The following MAST4 variants were observed in gnomAD, a reference collection of about 807,000 sequenced individuals.
MAST4 encodes the protein microtubule associated serine/threonine kinase family member 4, also known as microtubule-associated serine/threonine-protein kinase 4.
A neutral mutation model predicts 162.7 loss-of-function variants in MAST4; 89 were observed. The observed-to-expected ratio is 0.55, with a 90% CI of 0.46 to 0.65. The LOEUF (loss-of-function observed/expected upper bound fraction) is 0.65. Ranked by LOEUF, MAST4 falls within the 30% of genes least tolerant of loss-of-function variation. The pLI, the probability that MAST4 is intolerant of heterozygous loss-of-function variation, is 0.00. For synonymous variants in MAST4, 1,479 were observed against 1,361.1 expected, an observed-to-expected ratio of 1.09 and a Z score of -1.91; for missense variants, 3,153 against 3,374.0, an observed-to-expected ratio of 0.93 and a Z score of 1.62.
chr5:67,081,084 TTATATAATATATAATTG>T, intron 5 of MAST4, among the ~76,000 whole-genome samples: 1 of 75,170 alleles, frequency 1.3e-5, no homozygotes, highest in Non-Finnish European at 2.3e-5. Flanking sequence ...ATTGTATATA[TTATATAATATATAATTG>T]TATATATTAT....
rs80089834 is a variant in MAST4 at position 66,951,192 on chromosome 5, A to G, written c.674+51210A>G. The stretch of plus-strand genomic sequence containing the variant: ...AGCATTAAATCGAAGACATTATTTG[A>G]ACAACAACTCATAAAGCTTTCAGGT... On this transcript the variant is annotated intron_variant, in intron 4 of 28. Coordinates refer to ENST00000403625, the MANE Select transcript of MAST4 (RefSeq NM_001164664.2). Among the ~76,000 whole-genome samples, 334 of 152,324 alleles carry G rather than the reference A, an allele frequency of 2.2e-3. 1 individual carries two copies. The highest frequency in any genetic ancestry group is 7.7e-3 in the African/African-American group (319 of 41,588).
In MAST4 at chr5:66,630,545, C is replaced by A. The variant is rs754308563; in HGVS notation, c.363+33527C>A. On this transcript the variant is annotated intron_variant, in intron 1 of 28. Coordinates refer to ENST00000403625, the MANE Select transcript of MAST4 (RefSeq NM_001164664.2). ...GGGGAGTTTAATATAGGTTATAAAA[C>A]AAATTTACAAACACTTTAGAGTTTA... 1.2e-4 allele frequency among the ~76,000 whole-genome samples: 18 copies of A among 152,128 alleles called. No individual in the cohort carries two copies. The East Asian group carries it at 3.5e-3, about 29-fold the overall frequency.
intron 1 of MAST4, among the ~76,000 whole-genome samples, chr5:66,756,295 G>A (rs1352535058): frequency 6.6e-6 from 1 of 152,198 alleles, no homozygotes; most frequent in East Asian, 1.9e-4. Flanking sequence ...TGGTGCATGA[G>A]GTAAGGACAT....
chr5:66,605,824 C>T (rs576500062), intron 1 of MAST4, among the ~76,000 whole-genome samples: 2 of 152,168 alleles, frequency 1.3e-5, no homozygotes, highest in Non-Finnish European at 2.9e-5. Flanking sequence ...GATTTTTCTC[C>T]TTAGAAACCT....
chr5:66,716,295 T>G (rs995337592), intron 1 of MAST4, among the ~76,000 whole-genome samples: 2 of 152,300 alleles, frequency 1.3e-5, no homozygotes, highest in South Asian at 2.1e-4. Context: ...TGCCACTATT[T>G]AAACCTAGGA....
At chr5:67,003,556 G>A (rs1351375032) in intron 4 of MAST4, among the ~76,000 whole-genome samples, 1 of 152,046 alleles carries the variant, frequency 6.6e-6, no homozygotes, top group Non-Finnish European at 1.5e-5. Flanking sequence ...ATTTTTAGAT[G>A]TATTTTTTGC....
intron 3 of MAST4, among the ~76,000 whole-genome samples, chr5:66,846,139 C>T (rs1465755688): frequency 1.3e-5 from 2 of 152,152 alleles, no homozygotes; most frequent in Non-Finnish European, 2.9e-5. Context: ...AACTTAGATA[C>T]CTGGATTGAA....
chr5:66,780,779 C>T (rs1490374061), intron 2 of MAST4, among the ~76,000 whole-genome samples: 1 of 152,186 alleles, frequency 6.6e-6, no homozygotes, highest in Admixed American at 6.5e-5. Context: ...GGTGCGTTTA[C>T]AGTCCTTTAG....
At chr5:66,991,020 A>G (rs1750014530) in intron 4 of MAST4, among the ~76,000 whole-genome samples, 1 of 152,242 alleles carries the variant, frequency 6.6e-6, no homozygotes, top group African/African-American at 2.4e-5. Context: ...TTAAATTGCT[A>G]CCACACTCAA....
chr5:66,833,179 G>A (rs1757733977), intron 3 of MAST4, among the ~76,000 whole-genome samples: 1 of 152,164 alleles, frequency 6.6e-6, no homozygotes, highest in Non-Finnish European at 1.5e-5. Flanking sequence ...GCTCTCTGGT[G>A]TAATTGTTAA....
intron 4 of MAST4, chr5:66,959,413 G>A: frequency 1.4e-6 from 1 of 718,270 alleles, no homozygotes; most frequent in East Asian, 2.6e-5. Flanking sequence ...AGTGTGAGGT[G>A]GAGGAACATG....
At chr5:66,814,178 C>T (rs1042494997) in intron 3 of MAST4, among the ~76,000 whole-genome samples, 2 of 152,168 alleles carry the variant, frequency 1.3e-5, no homozygotes, top group Admixed American at 1.3e-4. Context: ...GTGATGTTAC[C>T]TGGCCTAGTA....
intron 1 of MAST4, among the ~76,000 whole-genome samples, chr5:66,704,815 T>G (rs1198362912): frequency 6.6e-6 from 1 of 152,194 alleles, no homozygotes; most frequent in African/African-American, 2.4e-5. Context: ...TGCTAATCAC[T>G]GTTGTTCTTG....
intron 11 of MAST4, 78 bp downstream of exon 11, chr5:67,110,277 G>A: frequency 1.9e-6 from 2 of 1,038,888 alleles, no homozygotes; most frequent in East Asian, 4.8e-5. Context: ...TCCTTCATTT[G>A]GTTTCCAGCA....
At chr5:66,773,593 T>C (rs1754453966) in intron 2 of MAST4, among the ~76,000 whole-genome samples, 1 of 152,174 alleles carries the variant, frequency 6.6e-6, no homozygotes, top group Admixed American at 6.5e-5. Context: ...TATTTAGAAG[T>C]AGGGCCTTTA....
At chr5:66,845,078 C>G in intron 3 of MAST4, among the ~76,000 whole-genome samples, 1 of 76,602 alleles carries the variant, frequency 1.3e-5, no homozygotes, top group African/African-American at 6.0e-5. Context: ...ATTAAGGTCA[C>G]TAATCTTTAT....
chr5:67,016,228 A>C (rs1416685710), intron 4 of MAST4, among the ~76,000 whole-genome samples: 1 of 152,212 alleles, frequency 6.6e-6, no homozygotes, highest in Non-Finnish European at 1.5e-5. Flanking sequence ...AGAATATGTT[A>C]TTATATTTAT....
chr5:67,099,482 C>T (rs563892206), intron 7 of MAST4, among the ~76,000 whole-genome samples: 17 of 151,998 alleles, frequency 1.1e-4, no homozygotes, highest in African/African-American at 3.6e-4. Flanking sequence ...ATGAAGGATA[C>T]TCTTAATATA....
intron 1 of MAST4, among the ~76,000 whole-genome samples, chr5:66,632,862 CAG>C (rs1307549549): frequency 6.6e-5 from 10 of 152,160 alleles, no homozygotes; most frequent in Non-Finnish European, 1.3e-4. Context: ...ATAGATAAAA[CAG>C]ACATATAAAT....
Sources: allele counts gnomAD v4.1 joint callset (sites outside exome capture counted in the v4.1 genomes callset), GRCh38; gene constraint gnomAD v4.1.1; transcripts MANE v1.5; gene names NCBI Gene and HGNC (gene_info 2026-07-23, HGNC 2026-07-21).